Variants in B3GALT1 observed in about 807,000 individuals in gnomAD.
The protein encoded by B3GALT1 is beta-1,3-galactosyltransferase 1.
Under a neutral mutation model 23.2 loss-of-function variants are expected in B3GALT1, and 10 were observed. The ratio of observed to expected loss-of-function variants is 0.43; its 90% CI spans 0.27 to 0.73. The LOEUF (loss-of-function observed/expected upper bound fraction) is 0.73, where lower values mean the gene tolerates loss of function less well. B3GALT1 is among the 30% of genes least tolerant of loss of function. The probability of loss-of-function intolerance (pLI) is 0.21; values close to 1 mark genes in which losing one functional copy is unlikely to be tolerated. For missense variants in B3GALT1, 299 were observed against 405.4 expected (o/e 0.74, Z 2.25); for synonymous variants, 156 against 141.5 (o/e 1.10, Z -0.73).
At chr2:167,865,097 C>T (rs556798898) in intron 4 of B3GALT1, among the ~76,000 whole-genome samples, 86 of 152,160 alleles carry the variant, frequency 5.7e-4, no homozygotes, top group African/African-American at 1.6e-3. Flanking sequence ...GAAAATCACG[C>T]GGAAAAGTAT....
intron 3 of B3GALT1, among the ~76,000 whole-genome samples, chr2:167,668,723 T>G (rs1686261920): frequency 6.6e-6 from 1 of 152,178 alleles, no homozygotes; most frequent in Non-Finnish European, 1.5e-5. Flanking sequence ...AGGTGCCGTC[T>G]GTCACCCCTT....
intron 3 of B3GALT1, among the ~76,000 whole-genome samples, chr2:167,712,181 G>GA (rs1303408185): frequency 1.4e-4 from 21 of 152,134 alleles, no homozygotes; most frequent in African/African-American, 4.3e-4. Flanking sequence ...GGAGCAGTGG[G>GA]AAAAAAGACA....
rs4296401 is a variant in B3GALT1 at position 167,437,630 on chromosome 2, G to T, written c.-510-52547G>T. On this transcript the variant is annotated intron_variant, in intron 1 of 4. Transcript: ENST00000392690. Reference sequence around the variant, plus strand: ...TTATTTATGAATTCACTACCCAAATGAAATTTTGAGGCCCTGGCTCATCTG... The same window carrying T: ...TTATTTATGAATTCACTACCCAAATTAAATTTTGAGGCCCTGGCTCATCTG... Among the ~76,000 whole-genome samples the T allele has an allele frequency of 3.7e-3, 563 of 152,344 alleles. 6 individuals carry two copies. The highest frequency in any genetic ancestry group is 0.013 in the African/African-American group (538 of 41,572).
chr2:167,813,370 T>A (rs1300362490), intron 3 of B3GALT1, among the ~76,000 whole-genome samples: 1 of 152,214 alleles, frequency 6.6e-6, no homozygotes, highest in Non-Finnish European at 1.5e-5. Context: ...ATGCTTGTTA[T>A]AGAAATGTGG....
chr2:167,583,498 A>G (rs1684525525), intron 2 of B3GALT1, among the ~76,000 whole-genome samples: 1 of 152,172 alleles, frequency 6.6e-6, no homozygotes, highest in Non-Finnish European at 1.5e-5. Flanking sequence ...GGTAACTTAC[A>G]GTACAGCTGT....
chr2:167,428,842 A>C (rs1312605440), intron 1 of B3GALT1, among the ~76,000 whole-genome samples: 1 of 152,190 alleles, frequency 6.6e-6, no homozygotes, highest in Non-Finnish European at 1.5e-5. Context: ...GACTGTTGAG[A>C]ATCAGGCTAT....
chr2:167,674,907 A>G (rs541988071), intron 3 of B3GALT1, among the ~76,000 whole-genome samples: 5 of 152,346 alleles, frequency 3.3e-5, no homozygotes, highest in Non-Finnish European at 7.3e-5. Flanking sequence ...TTCAATACAA[A>G]AAGGCAAAAC....
At chr2:167,699,234 T>C (rs1419390357) in intron 3 of B3GALT1, among the ~76,000 whole-genome samples, 1 of 152,144 alleles carries the variant, frequency 6.6e-6, no homozygotes, top group African/African-American at 2.4e-5. Flanking sequence ...TTGATTTTGT[T>C]TTTTTCTCAC....
chr2:167,359,561 G>A (rs776563202), intron 1 of B3GALT1, among the ~76,000 whole-genome samples: 1 of 152,150 alleles, frequency 6.6e-6, no homozygotes, highest in Non-Finnish European at 1.5e-5. Context: ...GAACATCACA[G>A]TACTACCTAT....
intron 3 of B3GALT1, among the ~76,000 whole-genome samples, chr2:167,670,555 A>G (rs1054164709): frequency 2.0e-5 from 3 of 152,172 alleles, no homozygotes; most frequent in African/African-American, 4.8e-5. Context: ...TCCAGTAACA[A>G]CCCCAAAGAA....
At chr2:167,535,475 G>GGTTAT (rs1683399880) in intron 2 of B3GALT1, among the ~76,000 whole-genome samples, 1 of 151,968 alleles carries the variant, frequency 6.6e-6, no homozygotes, top group South Asian at 2.1e-4. Flanking sequence ...ATTCAAGCTT[G>GGTTAT]GTCAGCTAAC....
chr2:167,508,088 C>G (rs1699947962), intron 2 of B3GALT1, among the ~76,000 whole-genome samples: 1 of 152,056 alleles, frequency 6.6e-6, no homozygotes, highest in Non-Finnish European at 1.5e-5. Flanking sequence ...TTTATGAAGA[C>G]TCCACTCTCA....
At chr2:167,710,564 G>A (rs1048325889) in intron 3 of B3GALT1, among the ~76,000 whole-genome samples, 6 of 152,134 alleles carry the variant, frequency 3.9e-5, no homozygotes, top group African/African-American at 1.2e-4. Context: ...GGTCCTCCTC[G>A]ATGTATGAGA....
intron 2 of B3GALT1, among the ~76,000 whole-genome samples, chr2:167,503,772 C>T (rs1699879917): frequency 6.6e-6 from 1 of 152,180 alleles, no homozygotes; most frequent in Non-Finnish European, 1.5e-5. Flanking sequence ...GTCTCTAATG[C>T]CATTCCATAT....
chr2:167,545,315 G>A (rs554101171), intron 2 of B3GALT1, among the ~76,000 whole-genome samples: 5 of 152,146 alleles, frequency 3.3e-5, no homozygotes, highest in South Asian at 4.2e-4. Context: ...GATTACAGGC[G>A]TGAGCCACCG....
At position 167,869,789 on chromosome 2, in the gene B3GALT1, C is replaced by T; in HGVS notation, c.750C>T (p.Leu250=). The change falls in exon 5 of 5, where the codon CTC becomes CTT. Residue 250 remains leucine (L), a synonymous_variant. Transcript: ENST00000392690. This position sits in a 1 kb window ranked among gnomAD's most constrained non-coding sequence, Gnocchi z 6.4. ...GYIFSADVAE[L]IYKTSLHTRL... is the part of the protein sequence containing the mutation. ...TCTTTTCAGCCGATGTAGCTGAACT[C>T]ATTTACAAGACCTCACTCCACACAA... 1 of 1,614,140 alleles carries T rather than the reference C, an allele frequency of 6.2e-7. No individual in the cohort carries two copies. Among genetic ancestry groups the T allele is most frequent in the South Asian group, 1.1e-5 (1 of 91,078 alleles).
At chr2:167,835,486 A>G (rs191959685) in intron 4 of B3GALT1, among the ~76,000 whole-genome samples, 11 of 152,204 alleles carry the variant, frequency 7.2e-5, no homozygotes, top group African/African-American at 1.7e-4. Context: ...GGGGAGGGGC[A>G]CCCACCATTG....
chr2:167,637,917 A>G (rs1314919960), intron 2 of B3GALT1, among the ~76,000 whole-genome samples: 1 of 151,470 alleles, frequency 6.6e-6, no homozygotes, highest in Non-Finnish European at 1.5e-5. Flanking sequence ...CTCTGCCCAT[A>G]GTTGCTGGGC....
intron 3 of B3GALT1, among the ~76,000 whole-genome samples, chr2:167,786,157 C>T (rs1451339641): frequency 1.3e-5 from 2 of 152,168 alleles, no homozygotes; most frequent in Non-Finnish European, 2.9e-5. Context: ...GACCCTAGAC[C>T]ATTCCTGTTA....
Sources: gnomAD v4.1 joint callset for allele counts (sites outside exome capture counted in the v4.1 genomes callset) on GRCh38, gnomAD v4.1.1 for gene constraint, Gnocchi (gnomAD v3.1) non-coding constraint, MANE v1.5 for transcripts, NCBI Gene and HGNC (gene_info 2026-07-23, HGNC 2026-07-21) for gene names.